The following OPCML variants were observed in gnomAD, a reference collection of about 807,000 sequenced individuals.
OPCML encodes opioid-binding protein/cell adhesion molecule.
A neutral mutation model predicts 37.8 loss-of-function variants in OPCML; 13 were observed. The observed-to-expected ratio is 0.34, with a 90% CI of 0.22 to 0.55. OPCML has a LOEUF of 0.55. OPCML is among the 20% of genes least tolerant of loss of function. OPCML has a pLI of 0.91. For missense variants in OPCML, 341 were observed against 435.6 expected, an observed-to-expected ratio of 0.78 and a Z score of 1.93; for synonymous variants, 176 against 168.8, an observed-to-expected ratio of 1.04 and a Z score of -0.33.
intron 2 of OPCML, among the ~76,000 whole-genome samples, chr11:132,922,592 T>C (rs1341476390): frequency 6.6e-6 from 1 of 152,114 alleles, no homozygotes; most frequent in Non-Finnish European, 1.5e-5. Context: ...GAAGCCAAAA[T>C]TCTTCACTCT....
intron 4 of OPCML, among the ~76,000 whole-genome samples, chr11:132,445,964 G>A (rs1017590445): frequency 4.6e-5 from 7 of 152,142 alleles, no homozygotes; most frequent in African/African-American, 1.7e-4. Flanking sequence ...AAGAAATCTT[G>A]TGGTGGGGTA....
At chr11:132,930,368 T>G (rs2136626878) in intron 2 of OPCML, among the ~76,000 whole-genome samples, 1 of 152,026 alleles carries the variant, frequency 6.6e-6, no homozygotes, top group South Asian at 2.1e-4. Context: ...TGTGGCACCC[T>G]GTCTCAAAAA....
At chr11:132,487,151 A>G (rs1421660010) in intron 4 of OPCML, among the ~76,000 whole-genome samples, 3 of 152,228 alleles carry the variant, frequency 2.0e-5, no homozygotes, top group Admixed American at 6.5e-5. Flanking sequence ...TCACCCTGAA[A>G]CAAACAACAG....
At chr11:132,497,281 A>G (rs979779336) in intron 4 of OPCML, among the ~76,000 whole-genome samples, 10 of 152,064 alleles carry the variant, frequency 6.6e-5, no homozygotes, top group Admixed American at 5.9e-4. Flanking sequence ...ATCAGGAAGA[A>G]TAGCTAATGG....
chr11:132,468,220 C>A (rs1325791711), intron 4 of OPCML, among the ~76,000 whole-genome samples: 3 of 152,154 alleles, frequency 2.0e-5, no homozygotes, highest in Admixed American at 6.5e-5. Flanking sequence ...GCTTTCCTAT[C>A]ATTAGAAACA....
intron 1 of OPCML, chr11:133,008,209 C>G: frequency 1.0e-6 from 1 of 985,398 alleles, no homozygotes; most frequent in Non-Finnish European, 1.2e-6. Context: ...CAGAATTAAG[C>G]TCAGACCCTA....
intron 1 of OPCML, among the ~76,000 whole-genome samples, chr11:133,186,980 TG>T (rs1938111649): frequency 6.6e-6 from 1 of 152,058 alleles, no homozygotes; most frequent in African/African-American, 2.4e-5. Context: ...GTCGTGGTGG[TG>T]GTGGTGGTGT....
At chr11:132,537,204 A>C (rs957183705) in intron 3 of OPCML, among the ~76,000 whole-genome samples, 1 of 152,210 alleles carries the variant, frequency 6.6e-6, no homozygotes, top group East Asian at 1.9e-4. Flanking sequence ...ATTCTTAGAA[A>C]ATATGCACAA....
intron 2 of OPCML, among the ~76,000 whole-genome samples, chr11:132,932,684 A>G (rs1237515233): frequency 8.4e-6 from 1 of 119,496 alleles, no homozygotes; most frequent in Non-Finnish European, 1.6e-5. Context: ...ATTCAGTTAT[A>G]TATATATTAT....
At chr11:132,509,342 A>G (rs996671638) in intron 4 of OPCML, among the ~76,000 whole-genome samples, 2 of 144,762 alleles carry the variant, frequency 1.4e-5, no homozygotes, top group African/African-American at 5.0e-5. Flanking sequence ...TGACTACGTG[A>G]TAGAAAAAAA....
intron 1 of OPCML, among the ~76,000 whole-genome samples, chr11:133,014,413 C>T (rs1022710822): frequency 2.0e-5 from 3 of 152,002 alleles, no homozygotes; most frequent in Non-Finnish European, 4.4e-5. Context: ...TTCTCCCCTA[C>T]GGTTGCAAGA....
intron 3 of OPCML, among the ~76,000 whole-genome samples, chr11:132,540,169 G>A (rs1434264365): frequency 1.3e-5 from 2 of 152,114 alleles, no homozygotes. Context: ...AGATTTGAGT[G>A]ACATTTGGGA....
At chr11:133,252,071 A>G (rs1292876248) in intron 1 of OPCML, among the ~76,000 whole-genome samples, 1 of 152,228 alleles carries the variant, frequency 6.6e-6, no homozygotes, top group African/African-American at 2.4e-5. Context: ...GGGATACCAA[A>G]AAAAGGCTAC....
intron 2 of OPCML, among the ~76,000 whole-genome samples, chr11:132,907,697 T>C (rs942510914): frequency 1.3e-5 from 2 of 152,008 alleles, no homozygotes; most frequent in African/African-American, 4.8e-5. Flanking sequence ...TCCATCAACA[T>C]GATCCCTTCA....
intron 1 of OPCML, among the ~76,000 whole-genome samples, chr11:133,353,822 T>G (rs950254717): frequency 1.3e-5 from 2 of 152,224 alleles, no homozygotes; most frequent in African/African-American, 4.8e-5. Flanking sequence ...GCTTTATGCC[T>G]GCTGTTCCAT....
In OPCML at chr11:133,449,974, T is replaced by C. The variant is rs570982469; in HGVS notation, c.61+82290A>G. 4.0e-5 allele frequency among the ~76,000 whole-genome samples: 6 copies of C among 151,844 alleles called. No individual in the cohort carries two copies. In the South Asian group the frequency reaches 1.0e-3, roughly 26 times the overall value. ...AGCCAGTGAGGCTATAAAGGCTGTT[T>C]ATGGGGAAATCTGGGAAAATGTCTT... is the stretch of plus-strand genomic sequence containing the variant. On this transcript the variant is annotated intron_variant, in intron 1 of 7. Coordinates refer to ENST00000524381, the MANE Select transcript of OPCML (RefSeq NM_001012393.5).
At chr11:132,786,907 C>T (rs535459226) in intron 2 of OPCML, among the ~76,000 whole-genome samples, 40 of 152,178 alleles carry the variant, frequency 2.6e-4, no homozygotes, top group Middle Eastern at 3.4e-3. Flanking sequence ...TGGGATGGAG[C>T]GTCTGGAGTG....
chr11:133,184,618 C>T (rs1408134929), intron 1 of OPCML, among the ~76,000 whole-genome samples: 6 of 152,230 alleles, frequency 3.9e-5, no homozygotes, highest in East Asian at 3.9e-4. Flanking sequence ...TCTATAAAAC[C>T]CAGGTCCATT....
At chr11:133,396,721 T>A (rs149131339) in intron 1 of OPCML, among the ~76,000 whole-genome samples, 1 of 152,206 alleles carries the variant, frequency 6.6e-6, no homozygotes, top group Admixed American at 6.5e-5. Flanking sequence ...ACAAGACAAA[T>A]GGCACATTCA....
Sources: gnomAD v4.1 joint callset for allele counts (sites outside exome capture counted in the v4.1 genomes callset) on GRCh38, gnomAD v4.1.1 for gene constraint, MANE v1.5 for transcripts, NCBI Gene and HGNC (gene_info 2026-07-23, HGNC 2026-07-21) for gene names.